The following SPAST variants were observed in gnomAD, a reference collection of about 807,000 sequenced individuals.
SPAST encodes spastic paraplegia 4 (autosomal dominant; spastin).
Under a neutral mutation model 76.6 loss-of-function variants are expected in SPAST, and 30 were observed. The observed-to-expected ratio is 0.39, with a 90% CI of 0.29 to 0.53. SPAST has a LOEUF of 0.53. Among genes scored for constraint, SPAST ranks in the 20% least tolerant of loss-of-function variants. SPAST has a pLI of 0.68. For synonymous variants in SPAST, 305 were observed against 281.0 expected (o/e 1.09, Z -0.86); for missense variants, 717 against 770.5 (o/e 0.93, Z 0.82).
intron 1 of SPAST, among the ~76,000 whole-genome samples, chr2:32,085,195 TC>T (rs1367093272): frequency 5.8e-5 from 8 of 138,560 alleles, no homozygotes; most frequent in South Asian, 2.5e-4. Flanking sequence ...AATTTCTTTT[TC>T]TTCTTCTTCT....
chr2:32,156,553 C>T lies in SPAST; in HGVS notation c.*2057C>T, dbSNP rs947753122. 1.3e-5 allele frequency: 2 copies of T among 151,956 alleles called. No individual in the cohort carries two copies. Among genetic ancestry groups the T allele is most frequent in the Admixed American group, 6.6e-5 (1 of 15,238 alleles). 9.4% of individuals were successfully genotyped at this position (151,956 alleles called of 1,614,324 possible). A position where few individuals can be genotyped will look rare whatever the true frequency, so the allele number is the denominator to read the frequency against. The stretch of plus-strand genomic sequence containing the variant: ...ACATTACAACATCAATTATGAAATA[C>T]TGATAACGAAAGGTAGTAATGAAAT... On this transcript the variant is annotated 3_prime_UTR_variant, in exon 17 of 17. Transcript: ENST00000315285.
chr2:32,091,415 G>C (rs1196155734), intron 3 of SPAST, among the ~76,000 whole-genome samples: 2 of 151,054 alleles, frequency 1.3e-5, no homozygotes, highest in Non-Finnish European at 3.0e-5. Flanking sequence ...CGAGTAGCTA[G>C]GATTACAGGG....
intron 3 of SPAST, among the ~76,000 whole-genome samples, chr2:32,095,569 AT>A (rs1340483144): frequency 6.1e-5 from 9 of 147,486 alleles, no homozygotes; most frequent in East Asian, 6.0e-4. Context: ...CCATGTCTAA[AT>A]TTAAAAAAAA....
chr2:32,064,297 G>T, intron 1 of SPAST, 51 bp downstream of exon 1: 1 of 1,285,926 alleles, frequency 7.8e-7, no homozygotes, highest in Non-Finnish European at 1.1e-6. Flanking sequence ...GAAGGCGGTG[G>T]GGTCGCCGGG....
intron 7 of SPAST, among the ~76,000 whole-genome samples, chr2:32,125,082 T>C (rs1260890186): frequency 2.0e-5 from 3 of 152,098 alleles, no homozygotes; most frequent in African/African-American, 7.2e-5. Context: ...TTCTAACAAG[T>C]GTACTACACT....
intron 4 of SPAST, among the ~76,000 whole-genome samples, 169 bp downstream of exon 4, chr2:32,099,060 C>A (rs1678023882): frequency 6.6e-6 from 1 of 152,132 alleles, no homozygotes; most frequent in Non-Finnish European, 1.5e-5. Flanking sequence ...TATAAACATG[C>A]AACAAGTCAG....
chr2:32,067,276 G>C (rs891438871), intron 1 of SPAST, among the ~76,000 whole-genome samples: 1 of 152,110 alleles, frequency 6.6e-6, no homozygotes, highest in African/African-American at 2.4e-5. Flanking sequence ...TGGCCAGGCT[G>C]GTTTCGAGCT....
chr2:32,109,985 T>A (rs900736566), intron 4 of SPAST, among the ~76,000 whole-genome samples: 2 of 144,416 alleles, frequency 1.4e-5, no homozygotes, highest in Non-Finnish European at 3.0e-5. Context: ...TATATAGTTA[T>A]ATATGTATTA....
intron 1 of SPAST, among the ~76,000 whole-genome samples, chr2:32,065,748 CTG>C (rs1041672354): frequency 7.2e-5 from 11 of 152,182 alleles, no homozygotes; most frequent in Admixed American, 2.6e-4. Flanking sequence ...TTCATAGTGT[CTG>C]TCTCTACTGC....
chr2:32,086,544 C>A (rs754970616), intron 1 of SPAST, among the ~76,000 whole-genome samples: 1 of 150,444 alleles, frequency 6.6e-6, no homozygotes, highest in Non-Finnish European at 1.5e-5. Flanking sequence ...GGGTGGATCA[C>A]CTGAGTTCAA....
chr2:32,141,211 C>T (rs1679709742), intron 12 of SPAST, among the ~76,000 whole-genome samples: 2 of 152,096 alleles, frequency 1.3e-5, no homozygotes, highest in Non-Finnish European at 2.9e-5. Flanking sequence ...AAATATTGGT[C>T]ACTGCAAGAC....
chr2:32,143,526 CAGA>C (rs1679789989), intron 14 of SPAST, 111 bp downstream of exon 14: 1 of 713,514 alleles, frequency 1.4e-6, no homozygotes, highest in Non-Finnish European at 2.5e-6. Flanking sequence ...ATTCATTGAT[CAGA>C]AGACTTTCTC....
chr2:32,099,726 A>G (rs958653686), intron 4 of SPAST, among the ~76,000 whole-genome samples: 2 of 152,094 alleles, frequency 1.3e-5, no homozygotes, highest in Non-Finnish European at 2.9e-5. Flanking sequence ...ATTGTTACCT[A>G]TAATCATCCT....
intron 1 of SPAST, 46 bp downstream of exon 1, chr2:32,064,292 C>A (rs1399556840): frequency 1.8e-5 from 5 of 284,148 alleles, no homozygotes; most frequent in Admixed American, 1.2e-4. Flanking sequence ...GGGAAGAAGG[C>A]GGTGGGGTCG....
intron 4 of SPAST, among the ~76,000 whole-genome samples, chr2:32,104,080 G>A (rs888411354): frequency 7.9e-5 from 12 of 152,068 alleles, no homozygotes; most frequent in African/African-American, 2.4e-4. Context: ...TTATTGTGTG[G>A]GAGTCTAAGT....
chr2:32,139,231 G>C (rs1187875154), intron 12 of SPAST, among the ~76,000 whole-genome samples: 1 of 152,102 alleles, frequency 6.6e-6, no homozygotes, highest in African/African-American at 2.4e-5. Flanking sequence ...CATTGAATCT[G>C]TAAATTGCTT....
At chr2:32,133,011 A>C (rs1558334587) in intron 9 of SPAST, among the ~76,000 whole-genome samples, 1 of 150,588 alleles carries the variant, frequency 6.6e-6, no homozygotes. Context: ...GCGCCATTCC[A>C]CTCCAGCCTG....
In SPAST at chr2:32,116,353, A is replaced by T; in HGVS notation, c.1098+141A>T. On this transcript the variant is annotated intron_variant, in intron 7 of 16. Transcript: ENST00000315285. ...CAATAGATTTAATGTTTTAAAAAAG[A>T]TAAAACATTAACAATTGATGTTGAG... 9.3e-6 allele frequency: 6 copies of T among 644,714 alleles called. No individual in the cohort carries two copies. In the Admixed American group the frequency reaches 1.6e-4, roughly 17 times the overall value. The allele number at this position is 644,714 out of a possible 1,614,324, so 39.9% of individuals were successfully genotyped here. A position where few individuals can be genotyped will look rare whatever the true frequency, so the allele number is the denominator to read the frequency against.
In SPAST at chr2:32,063,590, G is replaced by C. The variant is rs905039881; in HGVS notation, c.-242G>C. 3 of 541,072 alleles carry C rather than the reference G, an allele frequency of 5.5e-6. No individual in the cohort carries two copies. The Admixed American group carries it at 1.1e-4, about 20-fold the overall frequency. 33.5% of individuals were successfully genotyped at this position (541,072 alleles called of 1,614,324 possible). ...GCTGGGAGCCACCAGGCGGCGGAGAGGACAGCGACAGGAAGGGAGGGGCCC... is the reference window on the plus strand; with the variant it reads ...GCTGGGAGCCACCAGGCGGCGGAGACGACAGCGACAGGAAGGGAGGGGCCC... On this transcript the variant is annotated 5_prime_UTR_variant, in exon 1 of 17. Transcript: ENST00000315285.
Sources: gnomAD v4.1 joint callset for allele counts (sites outside exome capture counted in the v4.1 genomes callset) on GRCh38, gnomAD v4.1.1 for gene constraint, MANE v1.5 for transcripts, NCBI Gene and HGNC (gene_info 2026-07-23, HGNC 2026-07-21) for gene names.